Variants in UBAP2 observed in about 807,000 individuals in gnomAD.
UBAP2 encodes the protein ubiquitin associated protein 2.
Under a neutral mutation model 139.6 loss-of-function variants are expected in UBAP2, and 75 were observed. The ratio of observed to expected loss-of-function variants is 0.54; its 90% confidence interval spans 0.45 to 0.65. UBAP2 has a LOEUF of 0.65. Ranked by LOEUF, UBAP2 falls within the 30% of genes least tolerant of loss-of-function variation. The pLI, the probability that UBAP2 is intolerant of heterozygous loss-of-function variation, is 0.00. For missense variants in UBAP2, 1,368 were observed against 1,369.6 expected, an observed-to-expected ratio of 1.00 and a Z score of 0.02; for synonymous variants, 526 against 526.2, an observed-to-expected ratio of 1.00 and a Z score of 0.01.
At chr9:33,960,423 G>A (rs1826950843) in intron 10 of UBAP2, among the ~76,000 whole-genome samples, 2 of 152,120 alleles carry the variant, frequency 1.3e-5, no homozygotes. Flanking sequence ...GCCAAGATGA[G>A]ATAAGATGTC....
chr9:34,027,641 A>G (rs1825517219), intron 1 of UBAP2, among the ~76,000 whole-genome samples: 1 of 151,952 alleles, frequency 6.6e-6, no homozygotes, highest in Non-Finnish European at 1.5e-5. Flanking sequence ...GCGAGTCATG[A>G]GGTCAAGAGA....
intron 22 of UBAP2, 148 bp from the exon 23 acceptor site, chr9:33,924,432 G>A: frequency 1.3e-6 from 1 of 762,364 alleles, no homozygotes; most frequent in Non-Finnish European, 2.2e-6. Flanking sequence ...CAAGTAAATG[G>A]TGCCCCTCGG....
intron 13 of UBAP2, 43 bp from the exon 14 acceptor site, chr9:33,944,682 C>T (rs1406534248): frequency 1.9e-6 from 3 of 1,588,784 alleles, no homozygotes; most frequent in Non-Finnish European, 2.6e-6. Context: ...AATGGCTTCA[C>T]AATGTTCTTC....
chr9:34,039,534 G>A (rs900183698), intron 1 of UBAP2, among the ~76,000 whole-genome samples: 14 of 152,114 alleles, frequency 9.2e-5, no homozygotes, highest in African/African-American at 3.1e-4. Flanking sequence ...TTGGGATGCT[G>A]TTAATCTATA....
intron 11 of UBAP2, 51 bp downstream of exon 11, chr9:33,956,028 G>C (rs1826533533): frequency 7.0e-7 from 1 of 1,434,394 alleles, no homozygotes; most frequent in Admixed American, 2.2e-5. Context: ...TGAGGCAAAA[G>C]ATTTCTGTAA....
rs1240712586 is a variant in UBAP2 at position 33,933,476 on chromosome 9, C to T, written c.2108+14G>A. The T allele has an allele frequency of 8.1e-6, 13 of 1,612,994 alleles. No individual in the cohort carries two copies. The Admixed American group carries it at 8.3e-5, about 10-fold the overall frequency. ...CAAGGTACTTCTCACTTTGGGCCCA[C>T]ACCTTCCCCATACCTGCTAAGCTGA... On this transcript the variant is annotated intron_variant, in intron 18 of 28. Transcript: ENST00000379238.
intron 16 of UBAP2, 149 bp from the exon 17 acceptor site, chr9:33,936,027 ACT>A (rs1244824867): frequency 1.1e-6 from 1 of 943,780 alleles, no homozygotes; most frequent in African/African-American, 1.7e-5. Context: ...TAAACAACAA[ACT>A]CTCATGCAAG....
At chr9:33,958,623 G>A (rs1386284573) in intron 10 of UBAP2, among the ~76,000 whole-genome samples, 2 of 148,828 alleles carry the variant, frequency 1.3e-5, no homozygotes, top group Non-Finnish European at 3.0e-5. Context: ...GGCCAGGCTT[G>A]TCTTGAACTC....
At chr9:33,984,553 C>T (rs557474142) in intron 6 of UBAP2, among the ~76,000 whole-genome samples, 1 of 151,584 alleles carries the variant, frequency 6.6e-6, no homozygotes, top group Non-Finnish European at 1.5e-5. Context: ...GGGCTCATGC[C>T]TATAGTCCCA....
intron 6 of UBAP2, among the ~76,000 whole-genome samples, chr9:33,981,556 A>G (rs984982361): frequency 2.0e-5 from 3 of 149,154 alleles, no homozygotes; most frequent in Admixed American, 6.7e-5. Context: ...AGCCTGCTAC[A>G]TTGTCCACTC....
At chr9:33,940,734 G>A (rs1998705) in intron 16 of UBAP2, among the ~76,000 whole-genome samples, 60,596 of 152,002 alleles carry the variant, frequency 0.4, 12,460 homozygotes, top group South Asian at 0.48. Flanking sequence ...TGCTGTGATC[G>A]CGCCACTGGA....
At chr9:33,924,156 T>C in intron 23 of UBAP2, 50 bp downstream of exon 23, 1 of 1,605,602 alleles carries the variant, frequency 6.2e-7, no homozygotes, top group Non-Finnish European at 8.5e-7. Flanking sequence ...GCTCCTGGAG[T>C]TCGCGCTAGG....
At chr9:34,020,836 A>AT (rs1264594293) in intron 1 of UBAP2, among the ~76,000 whole-genome samples, 8 of 150,462 alleles carry the variant, frequency 5.3e-5, no homozygotes, top group African/African-American at 1.2e-4. Flanking sequence ...ATTTTTTTGT[A>AT]TTTTTTTAGT....
At chr9:33,948,062 G>A (rs909484272) in intron 13 of UBAP2, among the ~76,000 whole-genome samples, 3 of 150,094 alleles carry the variant, frequency 2.0e-5, no homozygotes, top group Admixed American at 1.3e-4. Flanking sequence ...AGAGAGCTCA[G>A]AAAATTCTGT....
intron 16 of UBAP2, among the ~76,000 whole-genome samples, chr9:33,939,450 CA>C (rs1824895358): frequency 3.3e-5 from 5 of 151,564 alleles, no homozygotes; most frequent in Admixed American, 2.6e-4. Context: ...CTGCCTGCCT[CA>C]GCCTCCAAAA....
At chr9:34,046,429 G>C (rs1033569519) in intron 1 of UBAP2, among the ~76,000 whole-genome samples, 1 of 152,026 alleles carries the variant, frequency 6.6e-6, no homozygotes, top group African/African-American at 2.4e-5. Flanking sequence ...GGATCACGGG[G>C]TCAGGAGATC....
At chr9:33,995,560 T>TATTAAA (rs1564053636) in intron 4 of UBAP2, 833 of 52,662 alleles carry the variant, frequency 0.016, 16 homozygotes, top group Middle Eastern at 0.071. Flanking sequence ...ATTAAATAAT[T>TATTAAA]TAATTTAATT....
rs973898794 is a variant in UBAP2, at chr9:33,922,186, G to C, written c.*318C>G. The C allele has an allele frequency of 2.8e-6, 1 of 356,380 alleles. No individual in the cohort carries two copies. The highest frequency in any genetic ancestry group is 5.3e-6 in the Non-Finnish European group (1 of 189,478). 22.1% of individuals were successfully genotyped at this position (356,380 alleles called of 1,614,324 possible). On this transcript the variant is annotated 3_prime_UTR_variant, in exon 29 of 29. Coordinates refer to ENST00000379238, the MANE Select transcript of UBAP2 (RefSeq NM_001370062.2). ...CCTAGTGGCCCACTGGGCAGTGCAG[G>C]CTGTGAAGAAGACCTGAAGGCAGAT...
intron 9 of UBAP2, among the ~76,000 whole-genome samples, chr9:33,963,485 T>G (rs1185546195): frequency 6.6e-6 from 1 of 152,218 alleles, no homozygotes; most frequent in Non-Finnish European, 1.5e-5. Flanking sequence ...CTCTAACGAA[T>G]GTATGTTAAG....
Sources: allele counts gnomAD v4.1 joint callset (sites outside exome capture counted in the v4.1 genomes callset), GRCh38; gene constraint gnomAD v4.1.1; transcripts MANE v1.5; gene names NCBI Gene and HGNC (gene_info 2026-07-23, HGNC 2026-07-21).